The following FARSB variants were observed in gnomAD, a reference collection of about 807,000 sequenced individuals.
FARSB encodes the protein phenylalanine--tRNA ligase beta subunit.
A neutral mutation model predicts 69.6 loss-of-function variants in FARSB; 40 were observed. The observed-to-expected ratio is 0.57, with a 90% CI of 0.45 to 0.75. The LOEUF (loss-of-function observed/expected upper bound fraction) is 0.75, where lower values mean the gene tolerates loss of function less well. FARSB is among the 30% of genes least tolerant of loss of function. The probability of loss-of-function intolerance (pLI) is 0.00; values close to 1 mark genes in which losing one functional copy is unlikely to be tolerated. For missense variants in FARSB, 632 were observed against 722.9 expected (o/e 0.87, Z 1.44); for synonymous variants, 235 against 247.2 (o/e 0.95, Z 0.46).
intron 1 of FARSB, among the ~76,000 whole-genome samples, chr2:222,652,942 A>G (rs535002433): frequency 3.3e-5 from 5 of 152,340 alleles, no homozygotes; most frequent in African/African-American, 1.2e-4. Context: ...CTGTTATTTC[A>G]TGGGTTTCTA....
At position 222,642,857 on chromosome 2, in the gene FARSB, T is replaced by C. The variant is rs1559215860; in HGVS notation, c.263A>G (p.Lys88Arg). The C allele has an allele frequency of 6.3e-7, 1 of 1,598,702 alleles. No individual in the cohort carries two copies. The highest frequency in any genetic ancestry group is 8.5e-7 in the Non-Finnish European group (1 of 1,174,078). Residue 88 changes from lysine to arginine, a missense_variant, in exon 3 of 17, where the codon AAA (lysine) becomes AGA (arginine). Lys to Arg is a conservative substitution (Grantham distance 26). Transcript: ENST00000281828. ...EGLVRGLQVFKERIKAPVYKR... is the reference protein window; with the variant it reads ...EGLVRGLQVFRERIKAPVYKR... ...AAGGAACATATTTCCTTACCTTTCT[T>C]TGAAGACCTGAAGTCCTCGAACCAA...
At chr2:222,590,015 G>T (rs1268999616) in intron 16 of FARSB, among the ~76,000 whole-genome samples, 2 of 152,164 alleles carry the variant, frequency 1.3e-5, no homozygotes, top group Non-Finnish European at 2.9e-5. Flanking sequence ...CCATTACTGG[G>T]TATATACCCA....
chr2:222,618,654 C>T (rs1691057677), intron 14 of FARSB, among the ~76,000 whole-genome samples: 1 of 152,172 alleles, frequency 6.6e-6, no homozygotes, highest in African/African-American at 2.4e-5. Context: ...TCACTTAATA[C>T]TCAATATTAA....
At chr2:222,627,309 A>G (rs1476524975) in intron 10 of FARSB, among the ~76,000 whole-genome samples, 5 of 152,358 alleles carry the variant, frequency 3.3e-5, no homozygotes, top group Non-Finnish European at 7.3e-5. Context: ...GGCACTGGGC[A>G]TGCTCTCTTG....
At chr2:222,624,651 CAAA>C in intron 11 of FARSB, 60 bp downstream of exon 11, 1 of 1,036,494 alleles carries the variant, frequency 9.6e-7, no homozygotes, top group South Asian at 1.6e-5. Context: ...TGAAGGATCG[CAAA>C]AAAAAAATTA....
chr2:222,605,922 CAAAACA>C (rs1690692849), intron 15 of FARSB, among the ~76,000 whole-genome samples: 1 of 151,934 alleles, frequency 6.6e-6, no homozygotes, highest in South Asian at 2.1e-4. Flanking sequence ...GACCCTGCCT[CAAAACA>C]AAAACAAAAA....
chr2:222,601,076 C>T (rs1690543965), intron 15 of FARSB, among the ~76,000 whole-genome samples: 1 of 152,034 alleles, frequency 6.6e-6, no homozygotes, highest in South Asian at 2.1e-4. Flanking sequence ...TCATGAAACT[C>T]GGAGAAACAG....
intron 1 of FARSB, among the ~76,000 whole-genome samples, chr2:222,655,579 T>C (rs1030398144): frequency 4.6e-5 from 7 of 152,170 alleles, no homozygotes; most frequent in Non-Finnish European, 1.0e-4. Flanking sequence ...TCAGGAAACA[T>C]TAATAAAACG....
chr2:222,585,410 G>A (rs1344987025), intron 16 of FARSB, among the ~76,000 whole-genome samples: 1 of 152,214 alleles, frequency 6.6e-6, no homozygotes, highest in Non-Finnish European at 1.5e-5. Context: ...CCACAAAGAT[G>A]GGGAGAAACC....
At chr2:222,648,897 C>G in intron 1 of FARSB, 102 bp from the exon 2 acceptor site, 2 of 795,020 alleles carry the variant, frequency 2.5e-6, no homozygotes, top group South Asian at 2.8e-5. Flanking sequence ...TTACACCAAT[C>G]ATACTACTAA....
intron 2 of FARSB, among the ~76,000 whole-genome samples, chr2:222,647,572 C>T (rs189760264): frequency 6.6e-6 from 1 of 152,292 alleles, no homozygotes; most frequent in East Asian, 1.9e-4. Context: ...GCTGCTCTTC[C>T]CACTAAATGA....
intron 5 of FARSB, among the ~76,000 whole-genome samples, chr2:222,635,160 A>T (rs116258383): frequency 0.011 from 1,744 of 152,338 alleles, 22 homozygotes; most frequent in African/African-American, 0.035. Flanking sequence ...TACAGCAAGC[A>T]ACAAAATAGG....
intron 16 of FARSB, among the ~76,000 whole-genome samples, chr2:222,585,424 G>A (rs1365049013): frequency 6.6e-6 from 1 of 152,250 alleles, no homozygotes; most frequent in Non-Finnish European, 1.5e-5. Context: ...AGAAACCAGA[G>A]CAGAAAAGCT....
intron 16 of FARSB, among the ~76,000 whole-genome samples, chr2:222,581,040 G>A (rs577207009): frequency 6.6e-6 from 1 of 152,246 alleles, no homozygotes; most frequent in Admixed American, 6.5e-5. Context: ...GAGCCAACAG[G>A]TGCTCAGATG....
intron 16 of FARSB, among the ~76,000 whole-genome samples, chr2:222,590,354 G>A (rs773745866): frequency 6.2e-4 from 94 of 152,112 alleles, no homozygotes; most frequent in Non-Finnish European, 1.1e-3. Context: ...ATCACATACC[G>A]GGGCCTGTCA....
chr2:222,626,012 C>T (rs1270480653), intron 10 of FARSB, among the ~76,000 whole-genome samples: 1 of 151,804 alleles, frequency 6.6e-6, no homozygotes, highest in Non-Finnish European at 1.5e-5. Context: ...TTTGGGAGGC[C>T]GAGGTGGGTG....
intron 16 of FARSB, among the ~76,000 whole-genome samples, chr2:222,584,856 G>A (rs936654750): frequency 1.5e-4 from 23 of 152,344 alleles, no homozygotes; most frequent in African/African-American, 4.1e-4. Context: ...CTCAAACTGC[G>A]TGGAGCCCAC....
At chr2:222,644,502 T>G (rs17566294) in intron 2 of FARSB, 49,001 of 453,338 alleles carry the variant, frequency 0.11, 2,982 homozygotes, top group Non-Finnish European at 0.13. Flanking sequence ...GTTAATAAAA[T>G]TACTGTTTCA....
chr2:222,603,541 C>A (rs568131680), intron 15 of FARSB, among the ~76,000 whole-genome samples: 1 of 151,324 alleles, frequency 6.6e-6, no homozygotes, highest in Non-Finnish European at 1.5e-5. Flanking sequence ...TCAAGACAAC[C>A]ATGCAAAGTA....
Sources: gnomAD v4.1 joint callset for allele counts (sites outside exome capture counted in the v4.1 genomes callset) on GRCh38, gnomAD v4.1.1 for gene constraint, MANE v1.5 for transcripts, NCBI Gene and HGNC (gene_info 2026-07-23, HGNC 2026-07-21) for gene names.